MBD3L1: variants seen among roughly 807,000 people sequenced by gnomAD.
The protein encoded by MBD3L1 is methyl-CpG-binding domain protein 3-like 1.
For missense variants in MBD3L1, 203 were observed against 230.1 expected (o/e 0.88, Z 0.76); for synonymous variants, 84 against 85.1 (o/e 0.99, Z 0.07).
intron 1 of MBD3L1, chr19:8,833,418 T>G (rs972524343): frequency 1.3e-5 from 2 of 152,236 alleles, no homozygotes; most frequent in African/African-American, 4.8e-5. Flanking sequence ...TTTCAGTTCT[T>G]TTGCTCAGAG....
chr19:8,835,823 C>T (rs1471086574), intron 1 of MBD3L1, among the ~76,000 whole-genome samples: 1 of 152,182 alleles, frequency 6.6e-6, no homozygotes, highest in Non-Finnish European at 1.5e-5. Context: ...TATATCCACA[C>T]AACGGATTAT....
intron 1 of MBD3L1, among the ~76,000 whole-genome samples, chr19:8,833,713 A>T (rs1370895846): frequency 1.3e-5 from 2 of 151,942 alleles, no homozygotes; most frequent in African/African-American, 4.9e-5. Flanking sequence ...TGCTGGTTGG[A>T]CCTGGTGGCT....
At chr19:8,841,525 A>G (rs2044512770) in intron 2 of MBD3L1, among the ~76,000 whole-genome samples, 1 of 152,160 alleles carries the variant, frequency 6.6e-6, no homozygotes, top group Non-Finnish European at 1.5e-5. Flanking sequence ...CCTGGAAATC[A>G]GAAATTTATA....
At chr19:8,838,356 C>T (rs1410532162) in intron 1 of MBD3L1, among the ~76,000 whole-genome samples, 1 of 147,506 alleles carries the variant, frequency 6.8e-6, no homozygotes, top group African/African-American at 2.5e-5. Flanking sequence ...AAATAATCCC[C>T]AAAGGAATTG....
intron 1 of MBD3L1, among the ~76,000 whole-genome samples, chr19:8,840,487 A>G (rs1162057404): frequency 6.6e-6 from 1 of 152,150 alleles, no homozygotes; most frequent in Non-Finnish European, 1.5e-5. Flanking sequence ...AATTTTTAGT[A>G]GAGATGGGGG....
Position 8,843,267 on chromosome 19 carries a change from A to T in MBD3L1, c.*4A>T. 1 of 1,558,192 alleles carries T rather than the reference A, an allele frequency of 6.4e-7. No individual in the cohort carries two copies. The highest frequency in any genetic ancestry group is 8.7e-7 in the Non-Finnish European group (1 of 1,153,796). Reference sequence around the variant, plus strand: ...AGGCCGTCCTGAAAAACGCTAAGAAAAAAAGGGAAGATAGTGCAGATGAAA... The same window carrying T: ...AGGCCGTCCTGAAAAACGCTAAGAATAAAAGGGAAGATAGTGCAGATGAAA... On this transcript the variant is annotated 3_prime_UTR_variant, in exon 3 of 3. Transcript: ENST00000595891.
At chr19:8,835,087 T>G (rs893036866) in intron 1 of MBD3L1, among the ~76,000 whole-genome samples, 5 of 151,886 alleles carry the variant, frequency 3.3e-5, no homozygotes, top group Non-Finnish European at 7.4e-5. Context: ...AGTCTCCTTC[T>G]GTCACCTAGG....
rs57002768 is a variant in MBD3L1, at chr19:8,837,550, G to A, written c.-106-3365G>A. ...TTAATGCCTGGACCCTTTCTGCCTC[G>A]AATGGGGGTGGCTAGAAACTTCTCT... is the stretch of plus-strand genomic sequence containing the variant. On this transcript the variant is annotated intron_variant, in intron 1 of 2. Transcript: ENST00000595891. Among the ~76,000 whole-genome samples the A allele has an allele frequency of 2.6e-5, 4 of 152,226 alleles. No individual in the cohort carries two copies. The East Asian group carries it at 7.7e-4, about 29-fold the overall frequency.
chr19:8,832,488 A>C lies in MBD3L1; in HGVS notation c.-141A>C, dbSNP rs1028420651. On this transcript the variant is annotated 5_prime_UTR_variant, in exon 1 of 3. Transcript: ENST00000595891. ...AGGTGTTCTAGTTTGCTTAGTGGGC[A>C]CAAAGTTGGGCCCTGGCCTGGGGCA... The C allele has an allele frequency of 6.6e-6, 1 of 152,604 alleles. No homozygotes were observed. The highest frequency in any genetic ancestry group is 2.4e-5 in the African/African-American group (1 of 41,460). 9.5% of individuals were successfully genotyped at this position (152,604 alleles called of 1,614,324 possible).
At chr19:8,836,835 C>T (rs975585821) in intron 1 of MBD3L1, among the ~76,000 whole-genome samples, 2 of 152,036 alleles carry the variant, frequency 1.3e-5, no homozygotes, top group Non-Finnish European at 2.9e-5. Context: ...TATTAAATGG[C>T]AAAACAAACT....
At position 8,843,059 on chromosome 19, in the gene MBD3L1, T is replaced by A. The variant is rs770001873; in HGVS notation, c.381T>A (p.Asp127Glu). 3 of 1,614,134 alleles carry A rather than the reference T, an allele frequency of 1.9e-6. No homozygotes were observed. Among genetic ancestry groups the A allele is most frequent in the Non-Finnish European group, 2.5e-6 (3 of 1,179,988 alleles). ...CPMPHLACSSDAVEIIPAEGV... is the reference protein window; with the variant it reads ...CPMPHLACSSEAVEIIPAEGV... ...TGCCCCACCTTGCCTGCTCTTCAGA[T>A]GCGGTGGAGATAATTCCTGCAGAGG... Residue 127 changes from aspartate (D) to glutamate (E), a missense_variant, in exon 3 of 3, where the codon GAT becomes GAA. Transcript: ENST00000595891.
At chr19:8,837,568 A>T (rs1599309676) in intron 1 of MBD3L1, among the ~76,000 whole-genome samples, 2 of 152,174 alleles carry the variant, frequency 1.3e-5, no homozygotes, top group East Asian at 3.9e-4. Flanking sequence ...GTGGCTAGAA[A>T]CTTCTCTGGC....
At chr19:8,841,491 G>A (rs955867445) in intron 2 of MBD3L1, among the ~76,000 whole-genome samples, 3 of 152,126 alleles carry the variant, frequency 2.0e-5, no homozygotes, top group African/African-American at 7.2e-5. Context: ...AGGTATCTAT[G>A]GTATGGGCAT....
At chr19:8,834,325 T>C (rs1353923784) in intron 1 of MBD3L1, among the ~76,000 whole-genome samples, 1 of 151,768 alleles carries the variant, frequency 6.6e-6, no homozygotes, top group East Asian at 1.9e-4. Flanking sequence ...AAGAATGAAA[T>C]TGGGCTGGGC....
rs2044477594 is a variant in MBD3L1, at chr19:8,838,393, C to G, written c.-106-2522C>G. 2.7e-5 allele frequency among the ~76,000 whole-genome samples: 4 copies of G among 147,584 alleles called. No individual in the cohort carries two copies. In the East Asian group the frequency reaches 8.1e-4, roughly 30 times the overall value. ...TAAGGATGGAGATGTCCCATGGAAA[C>G]AAACTGCATATTGCCTAACCCTCTC... is the stretch of plus-strand genomic sequence containing the variant. On this transcript the variant is annotated intron_variant, in intron 1 of 2. Transcript: ENST00000595891.
At chr19:8,839,917 G>A (rs2044493939) in intron 1 of MBD3L1, among the ~76,000 whole-genome samples, 1 of 151,944 alleles carries the variant, frequency 6.6e-6, no homozygotes, top group Admixed American at 6.6e-5. Context: ...TAAAGATATG[G>A]GGGCATCTGT....
chr19:8,843,247 G>A lies in MBD3L1; in HGVS notation c.569G>A (p.Arg190His), dbSNP rs1002054435. 1 of 1,577,424 alleles carries A rather than the reference G, an allele frequency of 6.3e-7. No homozygotes were observed. The highest frequency in any genetic ancestry group is 8.6e-7 in the Non-Finnish European group (1 of 1,164,090). Residue 190 changes from arginine (R) to histidine (H), a missense_variant, in exon 3 of 3, where the codon CGT becomes CAT. Transcript: ENST00000595891. ...EAEKVRDQEG[R>H]PEKR ...GAGAAAGTGAGAGACCAAGAAGGCC[G>A]TCCTGAAAAACGCTAAGAAAAAAAG...
intron 1 of MBD3L1, among the ~76,000 whole-genome samples, chr19:8,840,133 C>T (rs530884127): frequency 6.8e-6 from 1 of 146,392 alleles, no homozygotes; most frequent in South Asian, 2.2e-4. Context: ...GCAGTGAGCC[C>T]AGATCATCCC....
chr19:8,840,404 C>T (rs1328971674), intron 1 of MBD3L1, among the ~76,000 whole-genome samples: 7 of 152,052 alleles, frequency 4.6e-5, no homozygotes. Context: ...TGGGCTCAAG[C>T]TATCCTCTTC....
Sources: allele counts gnomAD v4.1 joint callset (sites outside exome capture counted in the v4.1 genomes callset), GRCh38; gene constraint gnomAD v4.1.1; transcripts MANE v1.5; gene names NCBI Gene and HGNC (gene_info 2026-07-23, HGNC 2026-07-21).